The following HYDIN variants were observed in gnomAD, a reference collection of about 807,000 sequenced individuals.
The protein encoded by HYDIN is axonemal central pair apparatus protein HYDIN.
HYDIN carries 132 observed loss-of-function variants against 403.9 expected under a neutral mutation model. The ratio of observed to expected loss-of-function variants is 0.33; its 90% CI spans 0.28 to 0.38. HYDIN has a LOEUF of 0.38. HYDIN is among the 10% of genes least tolerant of loss of function. HYDIN has a pLI of 1.00. For synonymous variants in HYDIN, 1,202 were observed against 1,891.7 expected (o/e 0.64, Z 9.46); for missense variants, 2,827 against 5,009.5 (o/e 0.56, Z 13.15).
chr16:70,850,724 C>G, intron 73 of HYDIN, 69 bp from the exon 74 acceptor site: 1 of 1,283,504 alleles, frequency 7.8e-7, no homozygotes, highest in Non-Finnish European at 1.1e-6. Context: ...AAATATGAGC[C>G]TACTGAATTA....
At chr16:70,829,880 T>C in intron 80 of HYDIN, 50 bp from the exon 81 acceptor site, 3 of 1,523,672 alleles carry the variant, frequency 2.0e-6, no homozygotes, top group Non-Finnish European at 2.7e-6. Context: ...CCCTGGTCCG[T>C]CTCCAGGGCC....
chr16:70,985,535 T>C (rs2079166530), intron 27 of HYDIN, among the ~76,000 whole-genome samples: 2 of 152,190 alleles, frequency 1.3e-5, no homozygotes, highest in Admixed American at 6.5e-5. Flanking sequence ...AGTTTAGGTA[T>C]GGCTGTGGGG....
intron 1 of HYDIN, among the ~76,000 whole-genome samples, chr16:71,222,205 A>G (rs2040835541): frequency 1.3e-5 from 2 of 152,212 alleles, no homozygotes; most frequent in South Asian, 4.2e-4. Context: ...TAAATGTGAT[A>G]TATCACATAA....
At chr16:70,932,484 C>A (rs1350850793) in intron 45 of HYDIN, among the ~76,000 whole-genome samples, 2 of 151,896 alleles carry the variant, frequency 1.3e-5, no homozygotes, top group East Asian at 3.9e-4. Context: ...CTTCATGAGG[C>A]TTATATTTTG....
At chr16:70,906,518 A>C (rs995381790) in intron 50 of HYDIN, among the ~76,000 whole-genome samples, 3 of 151,952 alleles carry the variant, frequency 2.0e-5, no homozygotes, top group East Asian at 3.9e-4. Flanking sequence ...GTGTTGTCTC[A>C]AGGAGCTATG....
intron 43 of HYDIN, among the ~76,000 whole-genome samples, chr16:70,940,913 C>T (rs779625912): frequency 1.6e-4 from 25 of 152,236 alleles, no homozygotes; most frequent in Non-Finnish European, 3.1e-4. Flanking sequence ...CCGTAGACAG[C>T]GCCACCAGCC....
chr16:70,985,550 G>A (rs2079167367), intron 27 of HYDIN, among the ~76,000 whole-genome samples: 1 of 152,088 alleles, frequency 6.6e-6, no homozygotes. Context: ...GTGGGGCTGA[G>A]CATTTCACCT....
intron 19 of HYDIN, among the ~76,000 whole-genome samples, chr16:71,031,108 G>A (rs1431156151): frequency 6.7e-6 from 1 of 148,696 alleles, no homozygotes; most frequent in Non-Finnish European, 1.5e-5. Context: ...GCTGAGGCAG[G>A]AGAATGGCGT....
chr16:71,008,548 A>C (rs544646729), intron 23 of HYDIN, among the ~76,000 whole-genome samples: 109 of 152,262 alleles, frequency 7.2e-4, no homozygotes, highest in African/African-American at 2.5e-3. Flanking sequence ...TCTACAGGAA[A>C]TATTTCCTAC....
chr16:70,944,019 C>G, intron 41 of HYDIN, 70 bp from the exon 42 acceptor site: 1 of 1,159,578 alleles, frequency 8.6e-7, no homozygotes. Flanking sequence ...CACTTACCAG[C>G]CACAGGACCT....
chr16:71,169,099 T>A (rs2086359801), intron 5 of HYDIN, among the ~76,000 whole-genome samples: 1 of 152,120 alleles, frequency 6.6e-6, no homozygotes, highest in South Asian at 2.1e-4. Flanking sequence ...ACATGTTGAA[T>A]CAACCCAAGT....
intron 23 of HYDIN, among the ~76,000 whole-genome samples, chr16:70,992,814 G>A (rs969877307): frequency 7.2e-5 from 11 of 152,276 alleles, no homozygotes; most frequent in Admixed American, 3.3e-4. Flanking sequence ...GAACCCAGGG[G>A]AAAAGCAACT....
chr16:70,838,601 G>C (rs1443759793), intron 76 of HYDIN, among the ~76,000 whole-genome samples: 1 of 152,146 alleles, frequency 6.6e-6, no homozygotes, highest in Non-Finnish European at 1.5e-5. Context: ...GTAGGGAGGA[G>C]TATATGTTCT....
chr16:71,134,106 T>C (rs1245474440), intron 8 of HYDIN, among the ~76,000 whole-genome samples: 3 of 151,856 alleles, frequency 2.0e-5, no homozygotes, highest in Non-Finnish European at 4.4e-5. Flanking sequence ...GGGCTGAAAT[T>C]CCTCCACTGC....
chr16:70,811,354 T>C (rs2035487400), intron 84 of HYDIN: 1 of 153,560 alleles, frequency 6.5e-6, no homozygotes. Flanking sequence ...GGAGGAGGCC[T>C]TGATTGTAGG....
intron 10 of HYDIN, among the ~76,000 whole-genome samples, chr16:71,108,544 T>A (rs2144434384): frequency 6.6e-6 from 1 of 152,200 alleles, no homozygotes; most frequent in African/African-American, 2.4e-5. Flanking sequence ...GTGTATAAGT[T>A]TCCAATCGTT....
chr16:71,017,159 G>C (rs2080288381), intron 23 of HYDIN, among the ~76,000 whole-genome samples: 1 of 151,150 alleles, frequency 6.6e-6, no homozygotes, highest in Admixed American at 6.6e-5. Flanking sequence ...GGCCAACATG[G>C]TGAAACCGCA....
At chr16:71,139,008 C>T (rs1174659370) in intron 7 of HYDIN, among the ~76,000 whole-genome samples, 8 of 150,528 alleles carry the variant, frequency 5.3e-5, no homozygotes, top group East Asian at 4.0e-4. Context: ...CACTTGAACC[C>T]GGGAGGCGGA....
intron 1 of HYDIN, among the ~76,000 whole-genome samples, chr16:71,211,835 C>T (rs1358862268): frequency 6.6e-6 from 1 of 151,948 alleles, no homozygotes; most frequent in East Asian, 1.9e-4. Flanking sequence ...CCATGAAAGG[C>T]TTCACATAGG....
Sources: allele counts gnomAD v4.1 joint callset (sites outside exome capture counted in the v4.1 genomes callset), GRCh38; gene constraint gnomAD v4.1.1; transcripts MANE v1.5; gene names NCBI Gene and HGNC (gene_info 2026-07-23, HGNC 2026-07-21).